Variants in RALB observed in about 807,000 individuals in gnomAD.
The protein encoded by RALB is RAS like proto-oncogene B.
A neutral mutation model predicts 21.3 loss-of-function variants in RALB; 16 were observed. That is an observed-to-expected ratio of 0.75 (90% CI 0.51 to 1.14). The LOEUF is 1.14. RALB is among the 50% of genes most tolerant of loss of function. RALB has a pLI of 0.00. For synonymous variants in RALB, 93 were observed against 96.1 expected (o/e 0.97, Z 0.19); for missense variants, 161 against 256.2 (o/e 0.63, Z 2.54).
At chr2:120,266,446 T>C (rs1489048235) in intron 1 of RALB, among the ~76,000 whole-genome samples, 1 of 152,192 alleles carries the variant, frequency 6.6e-6, no homozygotes, top group South Asian at 2.1e-4. Flanking sequence ...AGTTTCACTA[T>C]GTTGGTTGGC....
intron 1 of RALB, among the ~76,000 whole-genome samples, chr2:120,269,152 C>T (rs945496096): frequency 6.6e-6 from 1 of 152,172 alleles, no homozygotes; most frequent in Non-Finnish European, 1.5e-5. Flanking sequence ...GTCTTGCTGA[C>T]TTACAGAATG....
At chr2:120,268,635 C>T (rs1233447244) in intron 1 of RALB, among the ~76,000 whole-genome samples, 1 of 152,194 alleles carries the variant, frequency 6.6e-6, no homozygotes, top group African/African-American at 2.4e-5. Context: ...GATCGTACCA[C>T]TGCACTGCAG....
intron 1 of RALB, among the ~76,000 whole-genome samples, chr2:120,258,912 T>G (rs1689269565): frequency 6.6e-6 from 1 of 151,934 alleles, no homozygotes; most frequent in Non-Finnish European, 1.5e-5. Flanking sequence ...CTGGAGTCTG[T>G]CCCTTCTGAT....
chr2:120,277,744 T>G (rs576613559), intron 1 of RALB, among the ~76,000 whole-genome samples: 3 of 151,954 alleles, frequency 2.0e-5, no homozygotes, highest in African/African-American at 7.2e-5. Context: ...TGAGCTTGTG[T>G]GTGAATGTGA....
At chr2:120,290,863 C>G (rs1324529481) in intron 4 of RALB, among the ~76,000 whole-genome samples, 1 of 152,214 alleles carries the variant, frequency 6.6e-6, no homozygotes, top group Non-Finnish European at 1.5e-5. Flanking sequence ...TCTGCCTTGA[C>G]CTCATTCACT....
At chr2:120,261,810 A>G (rs1002783780) in intron 1 of RALB, among the ~76,000 whole-genome samples, 2 of 152,158 alleles carry the variant, frequency 1.3e-5, no homozygotes, top group African/African-American at 2.4e-5. Context: ...CTGGAGGCCA[A>G]TGCTTGCAGG....
chr2:120,254,054 A>C (rs943751256), intron 1 of RALB, among the ~76,000 whole-genome samples: 1 of 152,188 alleles, frequency 6.6e-6, no homozygotes, highest in East Asian at 1.9e-4. Flanking sequence ...GGAGCAATAG[A>C]AGCACAGTAT....
At chr2:120,279,598 C>T (rs1689933582) in intron 2 of RALB, among the ~76,000 whole-genome samples, 2 of 152,154 alleles carry the variant, frequency 1.3e-5, no homozygotes, top group Admixed American at 1.3e-4. Flanking sequence ...CATGTAAATG[C>T]TGTGCCATTT....
intron 1 of RALB, among the ~76,000 whole-genome samples, chr2:120,266,591 G>T (rs1210649270): frequency 1.3e-5 from 2 of 152,124 alleles, no homozygotes; most frequent in Admixed American, 6.5e-5. Context: ...TGTGCCTGTA[G>T]TCCCAGTTAC....
chr2:120,285,966 C>A lies in RALB; in HGVS notation c.207C>A (p.Thr69=), dbSNP rs764226453. Residue 69 remains threonine (T), a synonymous_variant, in exon 3 of 5, where the codon ACC becomes ACA. Coordinates refer to ENST00000272519, the MANE Select transcript of RALB (RefSeq NM_002881.3). ...AAGTTCAGATAGATATTCTGGACACCGCTGGGCAAGAGGACTACGCAGCCA... is the reference window on the plus strand; with the variant it reads ...AAGTTCAGATAGATATTCTGGACACAGCTGGGCAAGAGGACTACGCAGCCA... ...GEEVQIDILD[T]AGQEDYAAIR... 1 of 1,613,730 alleles carries A rather than the reference C, an allele frequency of 6.2e-7. No homozygotes were observed.
At chr2:120,288,400 G>A (rs1045301978) in intron 3 of RALB, among the ~76,000 whole-genome samples, 2 of 138,130 alleles carry the variant, frequency 1.4e-5, no homozygotes, top group African/African-American at 2.9e-5. Context: ...GCCCAGGCTG[G>A]TCTTGAACTC....
intron 1 of RALB, among the ~76,000 whole-genome samples, chr2:120,240,290 TTTA>T (rs1688872994): frequency 2.1e-5 from 3 of 142,342 alleles, no homozygotes; most frequent in African/African-American, 2.9e-5. Flanking sequence ...TATTTTTATT[TTTA>T]TTTTTTTTTG....
intron 2 of RALB, among the ~76,000 whole-genome samples, chr2:120,282,767 T>C (rs1347389479): frequency 1.3e-5 from 2 of 151,936 alleles, no homozygotes; most frequent in African/African-American, 2.4e-5. Flanking sequence ...AAGGAAGGAA[T>C]AGAAATGAAG....
intron 1 of RALB, among the ~76,000 whole-genome samples, chr2:120,254,605 C>A (rs1302915711): frequency 6.6e-6 from 1 of 152,170 alleles, no homozygotes; most frequent in Non-Finnish European, 1.5e-5. Context: ...TAGAAAAGTT[C>A]TAAATTCTTG....
chr2:120,263,273 GT>G (rs1176659005), intron 1 of RALB, among the ~76,000 whole-genome samples: 14 of 150,312 alleles, frequency 9.3e-5, no homozygotes, highest in Non-Finnish European at 5.9e-5. Context: ...GGGCTCAGTG[GT>G]CCTCCCACCT....
At chr2:120,292,491 G>C (rs538398422) in intron 4 of RALB, among the ~76,000 whole-genome samples, 2 of 152,194 alleles carry the variant, frequency 1.3e-5, no homozygotes, top group African/African-American at 4.8e-5. Context: ...GCACCTGGGA[G>C]CAGGGACTCA....
chr2:120,246,830 C>T (rs913244647), intron 1 of RALB, among the ~76,000 whole-genome samples: 3 of 150,296 alleles, frequency 2.0e-5, no homozygotes, highest in East Asian at 2.0e-4. Context: ...GTCCCCGCTG[C>T]GTCTGGTGTG....
chr2:120,269,957 A>G (rs187437447), intron 1 of RALB, among the ~76,000 whole-genome samples: 9 of 152,286 alleles, frequency 5.9e-5, no homozygotes, highest in East Asian at 3.9e-4. Flanking sequence ...GATGAACCCA[A>G]TCTAATGTTT....
chr2:120,256,871 T>G (rs1689212545), intron 1 of RALB, among the ~76,000 whole-genome samples: 1 of 152,212 alleles, frequency 6.6e-6, no homozygotes. Context: ...ACAACTTTTT[T>G]AAGGTTTAGT....
Sources: gnomAD v4.1 joint callset for allele counts (sites outside exome capture counted in the v4.1 genomes callset) on GRCh38, gnomAD v4.1.1 for gene constraint, MANE v1.5 for transcripts, NCBI Gene and HGNC (gene_info 2026-07-23, HGNC 2026-07-21) for gene names.